NCALD: variants seen among roughly 807,000 people sequenced by gnomAD.
NCALD encodes neurocalcin delta.
In NCALD, 10 loss-of-function variants were observed where a neutral mutation model predicts 18.6. The observed-to-expected ratio is 0.54, with a 90% CI of 0.33 to 0.91. The LOEUF (loss-of-function observed/expected upper bound fraction) is 0.91, where lower values mean the gene tolerates loss of function less well. Among genes scored for constraint, NCALD ranks in the 40% least tolerant of loss-of-function variants. NCALD has a pLI of 0.03. For synonymous variants in NCALD, 88 were observed against 87.4 expected (o/e 1.01, Z -0.04); for missense variants, 184 against 247.6 (o/e 0.74, Z 1.72).
intron 4 of NCALD, among the ~76,000 whole-genome samples, chr8:101,885,184 T>G (rs1000337828): frequency 1.3e-5 from 2 of 152,178 alleles, no homozygotes; most frequent in African/African-American, 4.8e-5. Flanking sequence ...CCATCCTGAC[T>G]TAAGGAGGCT....
intron 1 of NCALD, among the ~76,000 whole-genome samples, chr8:102,071,294 C>T (rs1824171698): frequency 6.6e-6 from 1 of 152,122 alleles, no homozygotes; most frequent in African/African-American, 2.4e-5. Flanking sequence ...GGTTTTTAAC[C>T]AGTATCCTTT....
At chr8:101,774,565 G>T (rs1347780135) in intron 1 of NCALD, among the ~76,000 whole-genome samples, 1 of 152,188 alleles carries the variant, frequency 6.6e-6, no homozygotes, top group African/African-American at 2.4e-5. Context: ...TCCCATGAAG[G>T]TAGAAAGAGC....
At chr8:102,074,680 C>G (rs971762276) in intron 1 of NCALD, among the ~76,000 whole-genome samples, 2 of 152,170 alleles carry the variant, frequency 1.3e-5, no homozygotes, top group Non-Finnish European at 2.9e-5. Context: ...ACAGGAAATC[C>G]TCCACCTCTT....
At chr8:101,780,363 C>T (rs886374671) in intron 1 of NCALD, among the ~76,000 whole-genome samples, 3 of 152,132 alleles carry the variant, frequency 2.0e-5, no homozygotes, top group Non-Finnish European at 2.9e-5. Context: ...AAACATCTGT[C>T]ATGAAACAGA....
chr8:101,818,009 C>T (rs1195039051), intron 4 of NCALD, among the ~76,000 whole-genome samples: 3 of 152,134 alleles, frequency 2.0e-5, no homozygotes, highest in African/African-American at 4.8e-5. Context: ...CACTTGTGGT[C>T]GGGCTATGAA....
At chr8:101,799,707 A>T (rs567058207) in intron 4 of NCALD, among the ~76,000 whole-genome samples, 5 of 152,350 alleles carry the variant, frequency 3.3e-5, no homozygotes, top group Admixed American at 2.0e-4. Context: ...CTTCCGTAAC[A>T]TTCTTGAAAT....
intron 2 of NCALD, among the ~76,000 whole-genome samples, chr8:101,969,262 G>A (rs559349761): frequency 6.6e-6 from 1 of 152,244 alleles, no homozygotes; most frequent in East Asian, 1.9e-4. Flanking sequence ...AGCTCTGAAG[G>A]CCCAGTCTCA....
intron 2 of NCALD, among the ~76,000 whole-genome samples, chr8:102,017,050 G>C (rs968420118): frequency 6.6e-6 from 1 of 152,086 alleles, no homozygotes; most frequent in African/African-American, 2.4e-5. Flanking sequence ...TAGATTAATA[G>C]AAATTTTATC....
chr8:102,011,684 A>C (rs1352626134), intron 2 of NCALD, among the ~76,000 whole-genome samples: 1 of 152,232 alleles, frequency 6.6e-6, no homozygotes, highest in African/African-American at 2.4e-5. Flanking sequence ...ATTGAATTGA[A>C]TTATATTCAA....
At chr8:101,712,587 C>CAAAAAAAAAAAAAAAAAAAA (rs201729096) in intron 2 of NCALD, among the ~76,000 whole-genome samples, 7 of 78,906 alleles carry the variant, frequency 8.9e-5, no homozygotes, top group African/African-American at 2.6e-4. Flanking sequence ...AAATGGAAAG[C>CAAAAAAAAAAAAAAAAAAAA]AAAAAAAAAA....
In NCALD at chr8:102,094,990, T is replaced by C. The variant is rs555178140; in HGVS notation, c.-210+29247A>G. Reference sequence around the variant, plus strand: ...TGCAGGCTTCTAACCTCCAGAGAACTGTAAAGGAATACAATTCTGTTGTTT... The same window carrying C: ...TGCAGGCTTCTAACCTCCAGAGAACCGTAAAGGAATACAATTCTGTTGTTT... On this transcript the variant is annotated intron_variant, in intron 1 of 6. Coordinates refer to the NCALD transcript ENST00000311028. 4.9e-4 allele frequency among the ~76,000 whole-genome samples: 75 copies of C among 152,322 alleles called. No individual in the cohort carries two copies. The South Asian group carries it at 0.015, about 31-fold the overall frequency.
At chr8:102,024,493 C>T (rs1437409059) in intron 1 of NCALD, among the ~76,000 whole-genome samples, 1 of 152,212 alleles carries the variant, frequency 6.6e-6, no homozygotes, top group Non-Finnish European at 1.5e-5. Flanking sequence ...TTATCAAGGG[C>T]ACTTATCAGG....
chr8:101,967,067 G>C (rs371735640), intron 2 of NCALD, among the ~76,000 whole-genome samples: 1 of 152,164 alleles, frequency 6.6e-6, no homozygotes, highest in African/African-American at 2.4e-5. Context: ...TGGAATGCTT[G>C]ATGAAGGGAA....
At chr8:101,701,515 G>A (rs1026712384) in intron 2 of NCALD, among the ~76,000 whole-genome samples, 2 of 152,150 alleles carry the variant, frequency 1.3e-5, no homozygotes, top group East Asian at 3.9e-4. Flanking sequence ...TGTGACCAGA[G>A]CCCCTATCAG....
chr8:102,115,922 G>A (rs1289662647), intron 1 of NCALD, among the ~76,000 whole-genome samples: 1 of 152,000 alleles, frequency 6.6e-6, no homozygotes, highest in Non-Finnish European at 1.5e-5. Context: ...AGCTGAGACA[G>A]GGATCAAACT....
At chr8:101,716,646 C>T (rs1228137814) in intron 2 of NCALD, among the ~76,000 whole-genome samples, 1 of 152,090 alleles carries the variant, frequency 6.6e-6, no homozygotes, top group African/African-American at 2.4e-5. Context: ...GTAGACTGAA[C>T]GACGGCCCCC....
At chr8:102,092,515 C>T (rs903726698) in intron 1 of NCALD, among the ~76,000 whole-genome samples, 2 of 152,186 alleles carry the variant, frequency 1.3e-5, no homozygotes, top group Non-Finnish European at 2.9e-5. Flanking sequence ...AGTGGCTTCC[C>T]ACTGCTATTG....
chr8:102,112,841 C>T (rs922127882), intron 1 of NCALD, among the ~76,000 whole-genome samples: 2 of 152,122 alleles, frequency 1.3e-5, no homozygotes, highest in African/African-American at 2.4e-5. Flanking sequence ...GGCACCTCCC[C>T]CTCCCCTTGC....
intron 2 of NCALD, among the ~76,000 whole-genome samples, chr8:101,952,205 G>A (rs893045761): frequency 1.3e-5 from 2 of 152,056 alleles, no homozygotes; most frequent in African/African-American, 4.8e-5. Flanking sequence ...GAGAGTGCTG[G>A]GTCTTGTCCA....
Sources: allele counts gnomAD v4.1 joint callset (sites outside exome capture counted in the v4.1 genomes callset), GRCh38; gene constraint gnomAD v4.1.1; transcripts MANE v1.5; gene names NCBI Gene and HGNC (gene_info 2026-07-23, HGNC 2026-07-21).